The following SLITRK4 variants were observed in gnomAD, a reference collection of about 807,000 sequenced individuals.
SLITRK4 encodes the protein SLIT and NTRK-like protein 4.
Under a neutral mutation model 34.7 loss-of-function variants are expected in SLITRK4, and 7 were observed. The observed-to-expected ratio is 0.20, with a 90% CI of 0.11 to 0.38. The LOEUF is 0.38. Among genes scored for constraint, SLITRK4 ranks in the 10% least tolerant of loss-of-function variants. SLITRK4 has a pLI of 1.00. For missense variants in SLITRK4, 474 were observed against 607.0 expected (o/e 0.78, Z 2.30); for synonymous variants, 237 against 246.2 (o/e 0.96, Z 0.35).
At chrX:143,634,328 C>G (rs5907450) in intron 1 of SLITRK4, 54,084 of 111,276 alleles carry the variant, frequency 0.49, 9,913 homozygotes, top group Middle Eastern at 0.59. Context: ...AGTTACCCAC[C>G]GGCTCTTCCT....
At position 143,623,835 on chromosome X, in the gene SLITRK4, C is replaced by G. The variant is rs1166637873; in HGVS notation, c.*4760G>C. On this transcript the variant is annotated 3_prime_UTR_variant, in exon 2 of 2. Coordinates refer to ENST00000356928, the MANE Select transcript of SLITRK4 (RefSeq NM_001184749.3). ...ACCACAGTGACTAATGGGATGAGCACTAGAAATGATGCCAAACCTTGATTT... is the reference window on the plus strand; with the variant it reads ...ACCACAGTGACTAATGGGATGAGCAGTAGAAATGATGCCAAACCTTGATTT... 1 of 111,233 alleles carries G rather than the reference C, an allele frequency of 9.0e-6. No individual in the cohort carries two copies. The highest frequency in any genetic ancestry group is 1.9e-5 in the Non-Finnish European group (1 of 52,892). The allele number at this position is 111,233 out of a possible 1,213,427, so 9.2% of individuals were successfully genotyped here. A position where few individuals can be genotyped will look rare whatever the true frequency, so the allele number is the denominator to read the frequency against.
chrX:143,631,326 T>G (rs954845423), intron 1 of SLITRK4, among the ~76,000 whole-genome samples, 168 bp from the exon 2 acceptor site: 2 of 111,947 alleles, frequency 1.8e-5, no homozygotes, highest in South Asian at 7.5e-4. Context: ...CCACTAAAAC[T>G]GCCATACATT....
At chrX:143,634,546 G>A (rs936943003) in intron 1 of SLITRK4, 1 of 108,703 alleles carries the variant, frequency 9.2e-6, no homozygotes, top group Non-Finnish European at 1.9e-5. Context: ...TGGTGGGGGG[G>A]GGGGCGGGCA....
rs1930898826 is a variant in SLITRK4, at chrX:143,628,701, A to G, written c.2408T>C (p.Val803Ala). ...ATACTCACTCTTCCTTTGTTCCACA[A>G]CAATTTTACTGTGGTTGCCACCTAT... ...SLIGGNHSKI[V>A]VEQRKSEYFE... is the part of the protein sequence containing the mutation. Residue 803 changes from valine to alanine, a missense_variant, in exon 2 of 2, where the codon GTT (valine) becomes GCT (alanine). By Grantham distance (64) the Val-to-Ala change is moderately conservative. Around this residue, in one of 3 missense-constraint regions of SLITRK4, gnomAD observed 345 missense variants for 406.5 expected, o/e 0.85. Coordinates refer to ENST00000356928, the MANE Select transcript of SLITRK4 (RefSeq NM_001184749.3). 3 of 1,209,951 alleles carry G rather than the reference A, an allele frequency of 2.5e-6. No homozygotes were observed.
chrX:143,623,688 A>AGAT lies in SLITRK4; in HGVS notation c.*4904_*4906dup, dbSNP rs1289525561. 1.8e-5 allele frequency: 2 copies of AGAT among 112,161 alleles called. No individual in the cohort carries two copies. Among genetic ancestry groups the AGAT allele is most frequent in the African/African-American group, 6.5e-5 (2 of 30,975 alleles). The allele number at this position is 112,161 out of a possible 1,213,427, so 9.2% of individuals were successfully genotyped here. On this transcript the variant is annotated 3_prime_UTR_variant, in exon 2 of 2. Coordinates refer to ENST00000356928, the MANE Select transcript of SLITRK4 (RefSeq NM_001184749.3). ...ATTAGCTTTTAAATTAACAAAGAATAGATCCTTAGGAAATCTGAAATTGAG... is the reference window on the plus strand; with the variant it reads ...ATTAGCTTTTAAATTAACAAAGAATAGATGATCCTTAGGAAATCTGAAATTGAG...
rs1930789207 is a variant in SLITRK4 at position 143,626,487 on chromosome X, T to C, written c.*2108A>G. 9.2e-6 allele frequency: 1 copy of C among 108,209 alleles called. No homozygotes were observed. 8.9% of individuals were successfully genotyped at this position (108,209 alleles called of 1,213,427 possible). A position where few individuals can be genotyped will look rare whatever the true frequency, so the allele number is the denominator to read the frequency against. On this transcript the variant is annotated 3_prime_UTR_variant, in exon 2 of 2. Coordinates refer to ENST00000356928, the MANE Select transcript of SLITRK4 (RefSeq NM_001184749.3). ...TTAAAAAAGATTTCCAAATTATCTA[T>C]ATGTATGAATATATACCCACATATA...
chrX:143,631,186 C>A (rs1931027334), intron 1 of SLITRK4, 28 bp from the exon 2 acceptor site: 11 of 830,950 alleles, frequency 1.3e-5, no homozygotes, highest in Non-Finnish European at 1.6e-5. Flanking sequence ...AACATTTTTT[C>A]AATGGTCATT....
Position 143,629,974 on chromosome X carries a change from C to T in SLITRK4, c.1135G>A (p.Ala379Thr). ...MSELIPKPLN[A>T]KKLHVNGNSI... Reference sequence around the variant, plus strand: ...TTGCCATTGACGTGCAGCTTCTTCGCATTTAAAGGTTTCGGTATCAGTTCA... The same window carrying T: ...TTGCCATTGACGTGCAGCTTCTTCGTATTTAAAGGTTTCGGTATCAGTTCA... The change falls in exon 2 of 2, where the codon GCG becomes ACG. Residue 379 changes from alanine (A) to threonine (T), a missense_variant. Physicochemically the swap from Ala to Thr is moderately conservative, Grantham distance 58. This residue lies in a region of SLITRK4 where 345 missense variants were observed against 406.5 expected (regional missense o/e 0.85). Coordinates refer to ENST00000356928, the MANE Select transcript of SLITRK4 (RefSeq NM_001184749.3). 1 of 1,211,945 alleles carries T rather than the reference C, an allele frequency of 8.3e-7. No individual in the cohort carries two copies. Among genetic ancestry groups the T allele is most frequent in the East Asian group, 3.0e-5 (1 of 33,838 alleles).
At position 143,625,376 on chromosome X, in the gene SLITRK4, C is replaced by A. The variant is rs1930753181; in HGVS notation, c.*3219G>T. The A allele has an allele frequency of 9.0e-6, 1 of 111,331 alleles. No individual in the cohort carries two copies. The highest frequency in any genetic ancestry group is 1.9e-5 in the Non-Finnish European group (1 of 52,733). The allele number at this position is 111,331 out of a possible 1,213,427, so 9.2% of individuals were successfully genotyped here. ...TCTTACTTTTAAAGAATTGAATCAT[C>A]TTTATTGATTTCATAAAAAAATAAT... On this transcript the variant is annotated 3_prime_UTR_variant, in exon 2 of 2. Coordinates refer to ENST00000356928, the MANE Select transcript of SLITRK4 (RefSeq NM_001184749.3).
rs782800120 is a variant in SLITRK4, at chrX:143,628,578, A to G, written c.*17T>C. On this transcript the variant is annotated 3_prime_UTR_variant, in exon 2 of 2. Transcript: ENST00000356928. ...TCATTAAATAAATGTCCTCTGTATGAAGTAAGATTACATGACCTAGATCTT... is the reference window on the plus strand; with the variant it reads ...TCATTAAATAAATGTCCTCTGTATGGAGTAAGATTACATGACCTAGATCTT... The G allele has an allele frequency of 3.7e-4, 414 of 1,130,351 alleles. No individual in the cohort carries two copies. Among genetic ancestry groups the G allele is most frequent in the Non-Finnish European group, 4.7e-4 (402 of 847,604 alleles). 93.2% of individuals were successfully genotyped at this position (1,130,351 alleles called of 1,213,427 possible).
rs1397875435 is a variant in SLITRK4, at chrX:143,628,079, T to TCTCTTTG, written c.*509_*515dup. 3.0e-5 allele frequency: 8 copies of TCTCTTTG among 266,205 alleles called. No homozygotes were observed. Among genetic ancestry groups the TCTCTTTG allele is most frequent in the African/African-American group, 2.4e-4 (8 of 33,001 alleles). 21.9% of individuals were successfully genotyped at this position (266,205 alleles called of 1,213,427 possible). A position where few individuals can be genotyped will look rare whatever the true frequency, so the allele number is the denominator to read the frequency against. The stretch of plus-strand genomic sequence containing the variant: ...AATTTACAAATACTATCGAGTGTTC[T>TCTCTTTG]CTCTTTGCATGCTTTTTTTTTTTTT... On this transcript the variant is annotated 3_prime_UTR_variant, in exon 2 of 2. Transcript: ENST00000356928.
In SLITRK4 at chrX:143,629,217, G is replaced by A. The variant is rs782534462; in HGVS notation, c.1892C>T (p.Thr631Met). The A allele has an allele frequency of 1.2e-5, 15 of 1,210,111 alleles. No homozygotes were observed. The highest frequency in any genetic ancestry group is 3.5e-5 in the African/African-American group (2 of 57,201). Reference protein sequence around the residue: ...ILSILVVLILTVFVAFCLLVF... With the variant: ...ILSILVVLILMVFVAFCLLVF... ...AAGAAGGCAAAAAGCAACAAACACC[G>A]TTAAAATGAGGACCACTAAGATACT... Residue 631 changes from threonine to methionine, a missense_variant, in exon 2 of 2, where the codon ACG becomes ATG. Thr to Met is a moderately conservative substitution (Grantham distance 81). Around this residue, in one of 3 missense-constraint regions of SLITRK4, gnomAD observed 345 missense variants for 406.5 expected, o/e 0.85. Coordinates refer to ENST00000356928, the MANE Select transcript of SLITRK4 (RefSeq NM_001184749.3).
rs1930734283 is a variant in SLITRK4 at position 143,624,868 on chromosome X, A to G, written c.*3727T>C. The G allele has an allele frequency of 9.0e-6, 1 of 111,591 alleles. No homozygotes were observed. The highest frequency in any genetic ancestry group is 3.2e-5 in the African/African-American group (1 of 30,807). 9.2% of individuals were successfully genotyped at this position (111,591 alleles called of 1,213,427 possible). A position where few individuals can be genotyped will look rare whatever the true frequency, so the allele number is the denominator to read the frequency against. On this transcript the variant is annotated 3_prime_UTR_variant, in exon 2 of 2. Transcript: ENST00000356928. ...AGCATTACTTGATTTTTCTCTTACA[A>G]ATTAACCTAAAATACTGATAATCAA...
In SLITRK4 at chrX:143,628,758, T is replaced by C. The variant is rs1556426060; in HGVS notation, c.2351A>G (p.Lys784Arg). 3.3e-6 allele frequency: 4 copies of C among 1,211,403 alleles called. No homozygotes were observed. In the South Asian group the frequency reaches 7.0e-5, roughly 21 times the overall value. The change falls in exon 2 of 2, where the codon AAA becomes AGA. Residue 784 changes from lysine to arginine, a missense_variant. By Grantham distance (26) the Lys-to-Arg change is conservative (BLOSUM62 2). Coordinates refer to ENST00000356928, the MANE Select transcript of SLITRK4 (RefSeq NM_001184749.3). ...CTTCTTACTTTTTTTGTCTGGTTGT[T>C]TTTCTGGATAGCGGATCTCAAAGCC... ...VSGFEIRYPE[K>R]QPDKKSKKSL...
In SLITRK4 at chrX:143,626,098, G is replaced by A. The variant is rs1204372963; in HGVS notation, c.*2497C>T. 9.0e-6 allele frequency: 1 copy of A among 111,041 alleles called. No individual in the cohort carries two copies. Among genetic ancestry groups the A allele is most frequent in the Non-Finnish European group, 1.9e-5 (1 of 52,738 alleles). The allele number at this position is 111,041 out of a possible 1,213,427, so 9.2% of individuals were successfully genotyped here. ...GACCTATTATCCCCAGACCATGAAT[G>A]GAACTTTCTGATTCCTCCTATAAGT... On this transcript the variant is annotated 3_prime_UTR_variant, in exon 2 of 2. Coordinates refer to ENST00000356928, the MANE Select transcript of SLITRK4 (RefSeq NM_001184749.3).
chrX:143,629,455 C>T lies in SLITRK4; in HGVS notation c.1654G>A (p.Gly552Arg), dbSNP rs145611405. 2.1e-5 allele frequency: 25 copies of T among 1,209,616 alleles called. No homozygotes were observed. Among genetic ancestry groups the T allele is most frequent in the Middle Eastern group, 2.3e-4 (1 of 4,353 alleles). Residue 552 changes from glycine to arginine, a missense_variant, in exon 2 of 2, where the codon GGG becomes AGG. Around this residue, in one of 3 missense-constraint regions of SLITRK4, gnomAD observed 345 missense variants for 406.5 expected, o/e 0.85. Coordinates refer to ENST00000356928, the MANE Select transcript of SLITRK4 (RefSeq NM_001184749.3). Reference protein sequence around the residue: ...LKLWVEKLSDGIVVKELKCET... With the variant: ...LKLWVEKLSDRIVVKELKCET... Reference sequence around the variant, plus strand: ...CATTTCAGTTCTTTCACAACAATCCCGTCGCTCAACTTCTCCACCCACAGC... The same window carrying T: ...CATTTCAGTTCTTTCACAACAATCCTGTCGCTCAACTTCTCCACCCACAGC...
At position 143,629,423 on chromosome X, in the gene SLITRK4, C is replaced by T. The variant is rs782532063; in HGVS notation, c.1686G>A (p.Thr562=). 2.5e-6 allele frequency: 3 copies of T among 1,209,431 alleles called. No homozygotes were observed. Among genetic ancestry groups the T allele is most frequent in the Admixed American group, 2.2e-5 (1 of 45,736 alleles). Residue 562 remains threonine, a synonymous_variant, in exon 2 of 2, where the codon ACG becomes ACA. Coordinates refer to ENST00000356928, the MANE Select transcript of SLITRK4 (RefSeq NM_001184749.3). ...GIVVKELKCE[T]PVQFANIELK... is the part of the protein sequence containing the mutation. ...GTTCAATGTTGGCAAACTGAACAGGCGTCTCACATTTCAGTTCTTTCACAA... is the reference window on the plus strand; with the variant it reads ...GTTCAATGTTGGCAAACTGAACAGGTGTCTCACATTTCAGTTCTTTCACAA...
rs1569477698 is a variant in SLITRK4, at chrX:143,628,697, CACA to C, written c.2409_2411del (p.Val804del). 3 of 1,211,666 alleles carry C rather than the reference CACA, an allele frequency of 2.5e-6. No individual in the cohort carries two copies. The highest frequency in any genetic ancestry group is 3.0e-5 in the East Asian group (1 of 33,819). ...CAAAATACTCACTCTTCCTTTGTTC[CACA>C]ACAATTTTACTGTGGTTGCCACCTA... On this transcript the variant is annotated inframe_deletion, in exon 2 of 2. Coordinates refer to ENST00000356928, the MANE Select transcript of SLITRK4 (RefSeq NM_001184749.3).
intron 1 of SLITRK4, among the ~76,000 whole-genome samples, chrX:143,633,627 A>C (rs781965327): frequency 9.0e-6 from 1 of 110,939 alleles, no homozygotes; most frequent in Non-Finnish European, 1.9e-5. Context: ...CGCGACTGGG[A>C]GGAGAGAAGC....
Sources: gnomAD v4.1 joint callset for allele counts (sites outside exome capture counted in the v4.1 genomes callset) on GRCh38, gnomAD v4.1.1 for gene constraint, gnomAD v4.1.1 regional missense constraint, MANE v1.5 for transcripts, NCBI Gene and HGNC (gene_info 2026-07-23, HGNC 2026-07-21) for gene names.